Variants in RAB20 observed in about 807,000 individuals in gnomAD.
RAB20 encodes RAB20, member RAS oncogene family, also known as ras-related protein Rab-20.
A neutral mutation model predicts 3.7 loss-of-function variants in RAB20; 2 were observed. The ratio of observed to expected loss-of-function variants is 0.54; its 90% confidence interval spans 0.22 to 1.69. The LOEUF is 1.69. Among genes scored for constraint, RAB20 ranks in the 40% most tolerant of loss-of-function variants. The pLI is 0.19. For missense variants in RAB20, 276 were observed against 311.9 expected (o/e 0.88, Z 0.87); for synonymous variants, 126 against 130.8 (o/e 0.96, Z 0.25).
At chr13:110,532,653 A>G (rs893345424) in intron 1 of RAB20, among the ~76,000 whole-genome samples, 2 of 149,678 alleles carry the variant, frequency 1.3e-5, no homozygotes, top group African/African-American at 2.5e-5. Context: ...CTGGGATTAC[A>G]GGCGCGAGGC....
intron 1 of RAB20, among the ~76,000 whole-genome samples, chr13:110,532,144 C>T (rs535176187): frequency 4.1e-4 from 62 of 152,298 alleles, no homozygotes; most frequent in African/African-American, 1.4e-3. Context: ...TGCTCAGACC[C>T]TGACCCAGCT....
intron 1 of RAB20, among the ~76,000 whole-genome samples, chr13:110,547,615 A>G (rs1594136850): frequency 6.6e-6 from 1 of 152,326 alleles, no homozygotes; most frequent in East Asian, 1.9e-4. Flanking sequence ...GATTAAGTGC[A>G]TAAATCCTCG....
chr13:110,527,456 A>G (rs1884449346), intron 1 of RAB20, among the ~76,000 whole-genome samples: 1 of 152,142 alleles, frequency 6.6e-6, no homozygotes, highest in African/African-American at 2.4e-5. Context: ...CTCCGGTAGG[A>G]GTCAGAAGAA....
intron 1 of RAB20, 44 bp from the exon 2 acceptor site, chr13:110,524,241 CAG>C (rs754332464): frequency 1.3e-6 from 2 of 1,527,006 alleles, no homozygotes; most frequent in Admixed American, 4.0e-5. Context: ...TCTCTCATCT[CAG>C]AACATAGCCA....
At position 110,523,692 on chromosome 13, in the gene RAB20, C is replaced by T. The variant is rs763763825; in HGVS notation, c.678G>A (p.Lys226=). The part of the protein sequence containing the change: ...TVDISSHKPP[K]RTRSGCCA ...AGGCACAACACCCAGATCTGGTCCT[C>T]TTGGGTGGCTTATGACTGGATATAT... is the stretch of plus-strand genomic sequence containing the variant. The change falls in exon 2 of 2, where the codon AAG becomes AAA. Residue 226 remains lysine, a synonymous_variant. Coordinates refer to ENST00000267328, the MANE Select transcript of RAB20 (RefSeq NM_017817.3). 6.2e-7 allele frequency: 1 copy of T among 1,614,130 alleles called. No individual in the cohort carries two copies. The highest frequency in any genetic ancestry group is 1.1e-5 in the South Asian group (1 of 91,086).
chr13:110,534,924 C>A (rs1046581282), intron 1 of RAB20, among the ~76,000 whole-genome samples: 9 of 152,224 alleles, frequency 5.9e-5, no homozygotes, highest in Non-Finnish European at 1.2e-4. Flanking sequence ...ACCTCATCCT[C>A]CTGGGCTCAA....
At chr13:110,551,959 G>A (rs951603209) in intron 1 of RAB20, among the ~76,000 whole-genome samples, 2 of 151,374 alleles carry the variant, frequency 1.3e-5, no homozygotes, top group Non-Finnish European at 2.9e-5. Context: ...GGGTGTGGTG[G>A]TGCTGTAGTC....
In RAB20 at chr13:110,524,466, TCA is replaced by T. The variant is rs146976836; in HGVS notation, c.173-271_173-270del. Among the ~76,000 whole-genome samples, 333 of 152,220 alleles carry T rather than the reference TCA, an allele frequency of 2.2e-3. 7 individuals carry two copies. The East Asian group carries it at 0.051, about 23-fold the overall frequency. On this transcript the variant is annotated intron_variant, in intron 1 of 1. Transcript: ENST00000267328. ...TTCAGGAAGAACGGGCCTCAGGCAT[TCA>T]CACAGCCCTCCCTGCCTTCAAGCAC...
intron 1 of RAB20, among the ~76,000 whole-genome samples, chr13:110,545,059 T>C (rs2139584675): frequency 6.6e-6 from 1 of 152,330 alleles, no homozygotes; most frequent in East Asian, 1.9e-4. Context: ...CCTCCCACCA[T>C]GATTCTGAGG....
intron 1 of RAB20, among the ~76,000 whole-genome samples, chr13:110,532,677 T>C (rs1884563494): frequency 1.8e-5 from 1 of 54,574 alleles, no homozygotes; most frequent in Admixed American, 1.8e-4. Context: ...ACGCCCAGCC[T>C]ATTTAATTAT....
At chr13:110,547,228 G>A (rs922887135) in intron 1 of RAB20, among the ~76,000 whole-genome samples, 22 of 152,302 alleles carry the variant, frequency 1.4e-4, no homozygotes, top group South Asian at 4.1e-4. Context: ...GGAAGGGAAC[G>A]GACCCCTGCC....
chr13:110,561,428 G>C lies in RAB20; in HGVS notation c.92C>G (p.Pro31Arg), dbSNP rs1022889673. Residue 31 changes from proline to arginine, a missense_variant, in exon 1 of 2, where the codon CCG becomes CGG. Physicochemically the swap from Pro to Arg is moderately radical, Grantham distance 103 (BLOSUM62 -2). Coordinates refer to ENST00000267328, the MANE Select transcript of RAB20 (RefSeq NM_017817.3). ...GCCGCCCACCGTGCTGACCGTGTCC[G>C]GGAAGCGCCGCTCCATATACCGCTG... ...LLQRYMERRF[P>R]DTVSTVGGAF... is the part of the protein sequence containing the mutation. 6.2e-7 allele frequency: 1 copy of C among 1,609,648 alleles called. No homozygotes were observed.
At position 110,538,617 on chromosome 13, in the gene RAB20, AAG is replaced by A. The variant is rs1311446874; in HGVS notation, c.173-14422_173-14421del. 2.1e-3 allele frequency among the ~76,000 whole-genome samples: 279 copies of A among 133,782 alleles called. 4 individuals carry two copies. Among genetic ancestry groups the A allele is most frequent in the African/African-American group, 6.6e-3 (250 of 37,892 alleles). The allele number at this position is 133,782 out of a possible 152,430, so 87.8% of individuals were successfully genotyped here. A position where few individuals can be genotyped will look rare whatever the true frequency, so the allele number is the denominator to read the frequency against. On this transcript the variant is annotated intron_variant, in intron 1 of 1. Coordinates refer to ENST00000267328, the MANE Select transcript of RAB20 (RefSeq NM_017817.3). ...TCTCTCAAAAAAAAAAAAAAAAAAA[AAG>A]AAAGAAAAGAAAAGAAAAGAAAAAG... is the stretch of plus-strand genomic sequence containing the variant.
chr13:110,538,612 A>AG (rs1884694734), intron 1 of RAB20, among the ~76,000 whole-genome samples: 1 of 134,276 alleles, frequency 7.4e-6, no homozygotes, highest in East Asian at 2.0e-4. Context: ...AAAAAAAAAA[A>AG]AAAAAAGAAA....
intron 1 of RAB20, among the ~76,000 whole-genome samples, chr13:110,536,231 G>A (rs1483725616): frequency 9.9e-5 from 15 of 152,026 alleles, no homozygotes; most frequent in Admixed American, 8.5e-4. Context: ...GGAGCCTCCT[G>A]AGGTGCACGG....
At chr13:110,554,359 C>A (rs1192127933) in intron 1 of RAB20, among the ~76,000 whole-genome samples, 1 of 152,196 alleles carries the variant, frequency 6.6e-6, no homozygotes, top group African/African-American at 2.4e-5. Context: ...ACAGCCTCCA[C>A]CCCATTCCGT....
rs1884364094 is a variant in RAB20, at chr13:110,523,350, G to A, written c.*315C>T. ...CAGGCTTCTGCCTCTGCAAGGGCAA[G>A]GGGGCCGTTGGTGGCTGGCTGCAAA... On this transcript the variant is annotated 3_prime_UTR_variant, in exon 2 of 2. Coordinates refer to ENST00000267328, the MANE Select transcript of RAB20 (RefSeq NM_017817.3). 1.9e-6 allele frequency: 1 copy of A among 525,126 alleles called. No individual in the cohort carries two copies. Among genetic ancestry groups the A allele is most frequent in the Admixed American group, 3.6e-5 (1 of 27,560 alleles). The allele number at this position is 525,126 out of a possible 1,614,324, so 32.5% of individuals were successfully genotyped here. A position where few individuals can be genotyped will look rare whatever the true frequency, so the allele number is the denominator to read the frequency against.
intron 1 of RAB20, among the ~76,000 whole-genome samples, chr13:110,558,234 T>C (rs919118365): frequency 1.3e-5 from 2 of 152,176 alleles, no homozygotes; most frequent in Non-Finnish European, 1.5e-5. Flanking sequence ...TACCCACCCA[T>C]GCACAGCAAC....
intron 1 of RAB20, among the ~76,000 whole-genome samples, chr13:110,547,658 C>A (rs2139586272): frequency 6.6e-6 from 1 of 152,292 alleles, no homozygotes; most frequent in South Asian, 2.1e-4. Flanking sequence ...CCCCACTCCA[C>A]CACTCCTGGA....
Sources: allele counts gnomAD v4.1 joint callset (sites outside exome capture counted in the v4.1 genomes callset), GRCh38; gene constraint gnomAD v4.1.1; transcripts MANE v1.5; gene names NCBI Gene and HGNC (gene_info 2026-07-23, HGNC 2026-07-21).